Variants in SCP2 observed in about 807,000 individuals in gnomAD.
SCP2 encodes the protein sterol carrier protein 2, also known as SCP-2/3-oxoacyl-CoA thiolase.
In SCP2, 48 loss-of-function variants were observed where a neutral mutation model predicts 71.4. That is an observed-to-expected ratio of 0.67 (90% confidence interval 0.53 to 0.86). The LOEUF (loss-of-function observed/expected upper bound fraction) is 0.86. Among genes scored for constraint, SCP2 ranks in the 40% least tolerant of loss-of-function variants. SCP2 has a pLI of 0.00. For synonymous variants in SCP2, 220 were observed against 218.1 expected (o/e 1.01, Z -0.08); for missense variants, 560 against 655.6 (o/e 0.85, Z 1.59).
At chr1:53,040,734 A>T (rs1663360305) in intron 14 of SCP2, among the ~76,000 whole-genome samples, 1 of 151,992 alleles carries the variant, frequency 6.6e-6, no homozygotes, top group Admixed American at 6.6e-5. Flanking sequence ...AAAAACAAAA[A>T]TCTTACCCCC....
chr1:53,023,974 C>T (rs1326107204), intron 12 of SCP2, among the ~76,000 whole-genome samples: 2 of 152,186 alleles, frequency 1.3e-5, no homozygotes, highest in Non-Finnish European at 2.9e-5. Context: ...ACGAGAATTA[C>T]ACCCATCTGA....
intron 11 of SCP2, among the ~76,000 whole-genome samples, chr1:52,999,815 G>GT (rs60893788): frequency 0.032 from 3,463 of 109,350 alleles, 155 homozygotes; most frequent in African/African-American, 0.065. Context: ...CTGAACACTT[G>GT]TTTTTTTTTT....
intron 13 of SCP2, among the ~76,000 whole-genome samples, chr1:53,032,969 C>G (rs567930092): frequency 1.2e-4 from 19 of 152,158 alleles, no homozygotes; most frequent in African/African-American, 4.6e-4. Flanking sequence ...TAGTTTTTTT[C>G]TACAGTTAAC....
At chr1:53,042,389 C>T (rs778425496) in intron 14 of SCP2, among the ~76,000 whole-genome samples, 2 of 150,828 alleles carry the variant, frequency 1.3e-5, no homozygotes, top group Non-Finnish European at 1.5e-5. Flanking sequence ...TGGTTGATAG[C>T]GTTGGTTTGT....
chr1:53,037,127 ACT>A (rs1179225987), intron 13 of SCP2, among the ~76,000 whole-genome samples: 5 of 151,976 alleles, frequency 3.3e-5, no homozygotes, highest in African/African-American at 4.8e-5. Flanking sequence ...AGAGAGCAAG[ACT>A]CTGTCTCAAA....
At chr1:53,015,743 G>C (rs753105633) in intron 12 of SCP2, among the ~76,000 whole-genome samples, 6 of 151,950 alleles carry the variant, frequency 3.9e-5, no homozygotes, top group African/African-American at 1.5e-4. Flanking sequence ...TTTTCTCCTT[G>C]CCTTAATTGT....
chr1:53,023,929 C>T (rs7536048), intron 12 of SCP2, among the ~76,000 whole-genome samples: 20,841 of 152,106 alleles, frequency 0.14, 2,032 homozygotes, highest in East Asian at 0.32. Context: ...ACCCAAACTT[C>T]CTCAACTTCC....
intron 10 of SCP2, among the ~76,000 whole-genome samples, chr1:52,982,525 A>G (rs1475508132): frequency 6.6e-6 from 1 of 152,134 alleles, no homozygotes; most frequent in Non-Finnish European, 1.5e-5. Context: ...AGCTGATATC[A>G]TACCACTGCA....
chr1:52,976,607 A>G, intron 7 of SCP2, 76 bp from the exon 8 acceptor site: 1 of 803,014 alleles, frequency 1.2e-6, no homozygotes, highest in Non-Finnish European at 2.3e-6. Context: ...TTTACATATT[A>G]TTCTGTTTCT....
rs1658381736 is a variant in SCP2 at position 52,980,442 on chromosome 1, A to G, written c.872A>G (p.Lys291Arg). The G allele has an allele frequency of 6.2e-7, 1 of 1,614,118 alleles. No homozygotes were observed. Reference sequence around the variant, plus strand: ...GAAGCTGCAAGAAAATGCTATGAGAAATCTGGCCTGACACCAAATGATATT... The same window carrying G: ...GAAGCTGCAAGAAAATGCTATGAGAGATCTGGCCTGACACCAAATGATATT... ...SKEAARKCYE[K>R]SGLTPNDIDV... Residue 291 changes from lysine (K) to arginine (R), a missense_variant, in exon 10 of 16, where the codon AAA (lysine) becomes AGA (arginine). Transcript: ENST00000371514.
intron 6 of SCP2, among the ~76,000 whole-genome samples, chr1:52,972,465 T>C (rs1657583962): frequency 6.6e-6 from 1 of 152,204 alleles, no homozygotes; most frequent in Non-Finnish European, 1.5e-5. Flanking sequence ...TTATTGAACA[T>C]CTCTTATGTC....
chr1:53,030,907 TTA>T (rs1491204952), intron 13 of SCP2, among the ~76,000 whole-genome samples: 1 of 66,424 alleles, frequency 1.5e-5, no homozygotes, highest in Middle Eastern at 9.3e-3. Flanking sequence ...CTCAAAAAAA[TTA>T]AAAAAAAAAA....
Position 53,014,992 on chromosome 1 carries a change from G to A in SCP2, c.1184G>A (p.Gly395Glu). ...GCTCTGCAGCATAATTTAGGCATTGGAGGAGCTGTGGTTGTAACACTCTAC... is the reference window on the plus strand; with the variant it reads ...GCTCTGCAGCATAATTTAGGCATTGAAGGAGCTGTGGTTGTAACACTCTAC... ...KVALQHNLGI[G>E]GAVVVTLYKM... is the part of the protein sequence containing the mutation. The change falls in exon 12 of 16, where the codon GGA becomes GAA. Residue 395 changes from glycine (G) to glutamate (E), a missense_variant. This residue lies in a region of SCP2 where 513 missense variants were observed against 573.1 expected (regional missense o/e 0.90). Transcript: ENST00000371514. 2 of 1,614,156 alleles carry A rather than the reference G, an allele frequency of 1.2e-6. No individual in the cohort carries two copies. Among genetic ancestry groups the A allele is most frequent in the Middle Eastern group, 1.7e-4 (1 of 6,060 alleles).
At chr1:53,043,871 T>C (rs775704661) in intron 14 of SCP2, among the ~76,000 whole-genome samples, 7 of 152,226 alleles carry the variant, frequency 4.6e-5, no homozygotes, top group Non-Finnish European at 7.3e-5. Context: ...TTTGTTTATT[T>C]TTTAAGGATT....
chr1:53,035,663 A>G (rs1202422271), intron 13 of SCP2, among the ~76,000 whole-genome samples: 1 of 152,224 alleles, frequency 6.6e-6, no homozygotes, highest in Non-Finnish European at 1.5e-5. Flanking sequence ...TTGCTGTGTC[A>G]GAGTAAAGTG....
rs1660519453 is a variant in SCP2, at chr1:53,004,756, G to C, written c.1082-10134G>C. Among the ~76,000 whole-genome samples, 3 of 152,304 alleles carry C rather than the reference G, an allele frequency of 2.0e-5. No homozygotes were observed. In the South Asian group the frequency reaches 6.2e-4, roughly 32 times the overall value. ...TTCTGCATTTCCAACTGAGGTACCA[G>C]GTTCATCTCACTGGGGCTTGTCGGA... On this transcript the variant is annotated intron_variant, in intron 11 of 15. Coordinates refer to ENST00000371514, the MANE Select transcript of SCP2 (RefSeq NM_002979.5).
intron 12 of SCP2, among the ~76,000 whole-genome samples, chr1:53,026,922 T>G (rs1370152539): frequency 1.3e-5 from 2 of 151,134 alleles, no homozygotes; most frequent in African/African-American, 4.9e-5. Context: ...AGACAGATGC[T>G]TATTGAACAA....
chr1:53,009,997 T>C (rs1293138984), intron 11 of SCP2, among the ~76,000 whole-genome samples: 1 of 152,116 alleles, frequency 6.6e-6, no homozygotes, highest in African/African-American at 2.4e-5. Context: ...CAAAAGAAGA[T>C]ATTTATGCAG....
chr1:52,976,870 T>C lies in SCP2; in HGVS notation c.674+101T>C, dbSNP rs542018038. On this transcript the variant is annotated intron_variant, in intron 8 of 15. Transcript: ENST00000371514. ...TTAGGCTCTGCATCTGGGCGGAGCTTTCACAGAACTCCTCCCAGTGCCGTC... is the reference window on the plus strand; with the variant it reads ...TTAGGCTCTGCATCTGGGCGGAGCTCTCACAGAACTCCTCCCAGTGCCGTC... 67 of 725,118 alleles carry C rather than the reference T, an allele frequency of 9.2e-5. No homozygotes were observed. In the African/African-American group the frequency reaches 1.0e-3, roughly 11 times the overall value. 44.9% of individuals were successfully genotyped at this position (725,118 alleles called of 1,614,324 possible). A position where few individuals can be genotyped will look rare whatever the true frequency, so the allele number is the denominator to read the frequency against.
Sources: gnomAD v4.1 joint callset for allele counts (sites outside exome capture counted in the v4.1 genomes callset) on GRCh38, gnomAD v4.1.1 for gene constraint, gnomAD v4.1.1 regional missense constraint, MANE v1.5 for transcripts, NCBI Gene and HGNC (gene_info 2026-07-23, HGNC 2026-07-21) for gene names.